INTS8: variants seen among roughly 807,000 people sequenced by gnomAD.
INTS8 encodes integrator complex subunit 8.
In INTS8, 47 loss-of-function variants were observed where a neutral mutation model predicts 138.9. The observed-to-expected ratio is 0.34, with a 90% CI of 0.27 to 0.43. INTS8 has a LOEUF of 0.43. Among genes scored for constraint, INTS8 ranks in the 20% least tolerant of loss-of-function variants. The pLI is 1.00. For missense variants in INTS8, 996 were observed against 1,173.0 expected (o/e 0.85, Z 2.20); for synonymous variants, 392 against 400.9 (o/e 0.98, Z 0.27).
intron 22 of INTS8, 51 bp downstream of exon 22, chr8:94,873,528 T>A: frequency 8.6e-7 from 1 of 1,169,474 alleles, no homozygotes; most frequent in Non-Finnish European, 1.3e-6. Flanking sequence ...GTATATGTTC[T>A]TCCTGGGTCC....
At chr8:94,850,253 G>A (rs757783072) in intron 12 of INTS8, among the ~76,000 whole-genome samples, 162 bp downstream of exon 12, 1 of 152,200 alleles carries the variant, frequency 6.6e-6, no homozygotes, top group African/African-American at 2.4e-5. Context: ...TGTATAAGCA[G>A]TTATGCTCTG....
chr8:94,836,743 A>G (rs552102086), intron 7 of INTS8, 112 bp downstream of exon 7: 2 of 642,700 alleles, frequency 3.1e-6, no homozygotes, highest in East Asian at 2.9e-5. Flanking sequence ...TAAATGTGTG[A>G]TGTTCAAGAA....
In INTS8 at chr8:94,871,953, A is replaced by G. The variant is rs1334142738; in HGVS notation, c.2484A>G (p.Ile828Met). ...VKELVRYTLSINPNNHSWLII... is the reference protein window; with the variant it reads ...VKELVRYTLSMNPNNHSWLII... Reference sequence around the variant, plus strand: ...AGCTAGTTCGATATACACTCAGTATAAATCCAAATAACCATTCTTGGTTAA... The same window carrying G: ...AGCTAGTTCGATATACACTCAGTATGAATCCAAATAACCATTCTTGGTTAA... Residue 828 changes from isoleucine to methionine, a missense_variant, in exon 21 of 27, where the codon ATA (isoleucine) becomes ATG (methionine). Transcript: ENST00000523731. 6.2e-7 allele frequency: 1 copy of G among 1,606,034 alleles called. No homozygotes were observed. Among genetic ancestry groups the G allele is most frequent in the African/African-American group, 1.3e-5 (1 of 74,772 alleles).
chr8:94,850,123 G>T, intron 12 of INTS8, 32 bp downstream of exon 12: 1 of 1,487,202 alleles, frequency 6.7e-7, no homozygotes, highest in Non-Finnish European at 9.1e-7. Context: ...CCAAAATGTT[G>T]GCATGTTTTG....
intron 22 of INTS8, 54 bp downstream of exon 22, chr8:94,873,531 C>T: frequency 8.7e-7 from 1 of 1,153,544 alleles, no homozygotes; most frequent in Non-Finnish European, 1.3e-6. Flanking sequence ...TATGTTCTTC[C>T]TGGGTCCCCT....
chr8:94,843,794 A>C (rs1815226966), intron 10 of INTS8, among the ~76,000 whole-genome samples: 1 of 152,126 alleles, frequency 6.6e-6, no homozygotes, highest in South Asian at 2.1e-4. Flanking sequence ...TGCAACATTA[A>C]TTTTTAAAAA....
At chr8:94,853,771 G>A (rs2131036937) in intron 13 of INTS8, 34 bp from the exon 14 acceptor site, 1 of 1,213,008 alleles carries the variant, frequency 8.2e-7, no homozygotes, top group Non-Finnish European at 1.2e-6. Flanking sequence ...TCCTCTATGT[G>A]TGCATATATA....
chr8:94,841,057 CA>C (rs1254619797), intron 8 of INTS8, among the ~76,000 whole-genome samples: 4 of 151,692 alleles, frequency 2.6e-5, no homozygotes, highest in African/African-American at 9.7e-5. Context: ...GGATTACATG[CA>C]AGTGCCATGA....
chr8:94,872,029 GT>G, intron 21 of INTS8, 27 bp downstream of exon 21: 1 of 1,144,906 alleles, frequency 8.7e-7, no homozygotes, highest in Non-Finnish European at 1.3e-6. Context: ...GTTGCTTTGT[GT>G]TTTGTTTTTA....
chr8:94,839,842 G>A (rs1815068233), intron 8 of INTS8, among the ~76,000 whole-genome samples: 2 of 152,146 alleles, frequency 1.3e-5, no homozygotes, highest in African/African-American at 4.8e-5. Flanking sequence ...GTTGCAGTGA[G>A]CTATGATAGC....
At position 94,873,236 on chromosome 8, in the gene INTS8, C is replaced by T. The variant is rs544183399; in HGVS notation, c.2534-138C>T. 1,613 of 737,678 alleles carry T rather than the reference C, an allele frequency of 2.2e-3. 38 individuals are homozygous for T. In the South Asian group the frequency reaches 0.023, roughly 10 times the overall value. The allele number at this position is 737,678 out of a possible 1,614,324, so 45.7% of individuals were successfully genotyped here. A position where few individuals can be genotyped will look rare whatever the true frequency, so the allele number is the denominator to read the frequency against. On this transcript the variant is annotated intron_variant, in intron 21 of 26. Coordinates refer to ENST00000523731, the MANE Select transcript of INTS8 (RefSeq NM_017864.4). ...GTACTAGGACATTTGGCAAGAAATACGAACTAACATTTTATTTCTAGTTCT... is the reference window on the plus strand; with the variant it reads ...GTACTAGGACATTTGGCAAGAAATATGAACTAACATTTTATTTCTAGTTCT...
chr8:94,839,612 A>G (rs372384333), intron 8 of INTS8, among the ~76,000 whole-genome samples: 2 of 152,352 alleles, frequency 1.3e-5, no homozygotes, highest in East Asian at 3.9e-4. Context: ...CTAGGAAAGA[A>G]AATTAAACTT....
intron 15 of INTS8, among the ~76,000 whole-genome samples, chr8:94,859,248 T>C (rs968653288): frequency 1.3e-5 from 2 of 151,476 alleles, no homozygotes; most frequent in East Asian, 2.0e-4. Context: ...ACCACTGCAC[T>C]CTATCCTGGG....
chr8:94,862,384 A>G (rs550857506), intron 16 of INTS8, among the ~76,000 whole-genome samples: 13 of 152,346 alleles, frequency 8.5e-5, no homozygotes, highest in Non-Finnish European at 1.2e-4. Context: ...GGTTACTGTC[A>G]TTTACACTTA....
chr8:94,833,398 T>C (rs1172201972), intron 6 of INTS8, among the ~76,000 whole-genome samples: 2 of 152,048 alleles, frequency 1.3e-5, no homozygotes, highest in African/African-American at 2.4e-5. Flanking sequence ...ATTTTTTTTT[T>C]ATAGAGACAG....
intron 2 of INTS8, among the ~76,000 whole-genome samples, chr8:94,826,735 G>C (rs187612847): frequency 6.1e-4 from 93 of 151,916 alleles, no homozygotes; most frequent in African/African-American, 2.1e-3. Context: ...ATTGCTAGAT[G>C]ATGGTACATA....
chr8:94,845,105 G>A (rs1443870025), intron 10 of INTS8, among the ~76,000 whole-genome samples: 2 of 152,060 alleles, frequency 1.3e-5, no homozygotes, highest in Admixed American at 1.3e-4. Context: ...CAAATTTACC[G>A]ATTTTTTTCC....
intron 5 of INTS8, among the ~76,000 whole-genome samples, chr8:94,831,656 A>G (rs1450687306): frequency 1.3e-5 from 2 of 151,174 alleles, no homozygotes; most frequent in Non-Finnish European, 2.9e-5. Flanking sequence ...TAATTTTTGT[A>G]TTTTTAGTAG....
intron 6 of INTS8, 96 bp downstream of exon 6, chr8:94,832,270 TTGTC>T: frequency 2.3e-6 from 2 of 876,500 alleles, no homozygotes; most frequent in Non-Finnish European, 3.6e-6. Flanking sequence ...ATTTCTGCCT[TTGTC>T]TCTTAAGATG....
Sources: gnomAD v4.1 joint callset for allele counts (sites outside exome capture counted in the v4.1 genomes callset) on GRCh38, gnomAD v4.1.1 for gene constraint, MANE v1.5 for transcripts, NCBI Gene and HGNC (gene_info 2026-07-23, HGNC 2026-07-21) for gene names.